The following ZNF251 variants were observed in gnomAD, a reference collection of about 807,000 sequenced individuals.
ZNF251 encodes zinc finger protein 251.
Under a neutral mutation model 13.5 loss-of-function variants are expected in ZNF251, and 14 were observed. The observed-to-expected ratio is 1.04, with a 90% confidence interval of 0.69 to 1.63. The LOEUF (loss-of-function observed/expected upper bound fraction) is 1.63. Among genes scored for constraint, ZNF251 ranks in the 40% most tolerant of loss-of-function variants. ZNF251 has a pLI of 0.00. For missense variants in ZNF251, 764 were observed against 834.9 expected (o/e 0.92, Z 1.05); for synonymous variants, 287 against 295.2 (o/e 0.97, Z 0.28).
intron 2 of ZNF251, 56 bp from the exon 3 acceptor site, chr8:144,754,377 T>C (rs1824853628): frequency 1.3e-6 from 2 of 1,517,632 alleles, no homozygotes; most frequent in Non-Finnish European, 1.8e-6. Flanking sequence ...CAGCCTGCAC[T>C]AAAAGGGCCC....
In ZNF251 at chr8:144,755,439, C is replaced by T. The variant is rs778749261; in HGVS notation, c.-110G>A. ...CGACCCGGGGAAGCCACCGAGGAAG[C>T]GCCGAGGAGCTGCGCAGTCGCACCG... On this transcript the variant is annotated 5_prime_UTR_variant, in exon 1 of 5. Coordinates refer to ENST00000292562, the MANE Select transcript of ZNF251 (RefSeq NM_138367.2). 7.8e-7 allele frequency: 1 copy of T among 1,288,118 alleles called. No homozygotes were observed. The highest frequency in any genetic ancestry group is 1.2e-5 in the South Asian group (1 of 81,104). The allele number at this position is 1,288,118 out of a possible 1,614,324, so 79.8% of individuals were successfully genotyped here. A position where few individuals can be genotyped will look rare whatever the true frequency, so the allele number is the denominator to read the frequency against.
At chr8:144,738,246 G>A (rs1823994166) in intron 4 of ZNF251, among the ~76,000 whole-genome samples, 1 of 152,152 alleles carries the variant, frequency 6.6e-6, no homozygotes, top group Admixed American at 6.6e-5. Flanking sequence ...GAGGAAACAT[G>A]GTCCACCTGG....
chr8:144,744,893 T>G (rs1410571086), intron 4 of ZNF251, among the ~76,000 whole-genome samples: 1 of 152,088 alleles, frequency 6.6e-6, no homozygotes, highest in East Asian at 1.9e-4. Context: ...CCATCTCTAC[T>G]AAAAGTACAA....
intron 4 of ZNF251, among the ~76,000 whole-genome samples, chr8:144,741,159 A>C (rs1195755752): frequency 6.6e-6 from 1 of 152,188 alleles, no homozygotes; most frequent in African/African-American, 2.4e-5. Flanking sequence ...AAAGTGTCCA[A>C]AAGGAGCTGG....
intron 4 of ZNF251, among the ~76,000 whole-genome samples, chr8:144,747,572 A>G (rs1185483380): frequency 6.6e-6 from 1 of 152,158 alleles, no homozygotes; most frequent in African/African-American, 2.4e-5. Flanking sequence ...GAACTCATCT[A>G]TTTCCCCTTG....
intron 4 of ZNF251, among the ~76,000 whole-genome samples, chr8:144,739,004 G>A (rs1276166886): frequency 6.6e-6 from 1 of 151,926 alleles, no homozygotes; most frequent in East Asian, 1.9e-4. Context: ...CCTTCCTGAC[G>A]GGGATGGCCA....
At position 144,723,096 on chromosome 8, in the gene ZNF251, T is replaced by A; in HGVS notation, c.564A>T (p.Arg188Ser). The A allele has an allele frequency of 6.2e-7, 1 of 1,614,066 alleles. No individual in the cohort carries two copies. The highest frequency in any genetic ancestry group is 8.5e-7 in the Non-Finnish European group (1 of 1,179,906). Residue 188 changes from arginine (R) to serine (S), a missense_variant, in exon 5 of 5, where the codon AGA becomes AGT. Physicochemically the swap from Arg to Ser is moderately radical, Grantham distance 110. Coordinates refer to ENST00000292562, the MANE Select transcript of ZNF251 (RefSeq NM_138367.2). Reference protein sequence around the residue: ...ERTQECSAFDRNLNLDQNVVR... With the variant: ...ERTQECSAFDSNLNLDQNVVR... ...CAACATTTTGGTCCAGATTCAAGTTTCTATCAAATGCACTACACTCTTGGG... is the reference window on the plus strand; with the variant it reads ...CAACATTTTGGTCCAGATTCAAGTTACTATCAAATGCACTACACTCTTGGG...
chr8:144,727,891 C>T (rs1219527392), intron 4 of ZNF251, among the ~76,000 whole-genome samples: 1 of 152,172 alleles, frequency 6.6e-6, no homozygotes, highest in African/African-American at 2.4e-5. Flanking sequence ...TAGCTCACTG[C>T]AGCCTCAAAC....
rs1823391824 is a variant in ZNF251 at position 144,722,286 on chromosome 8, C to G, written c.1374G>C (p.Glu458Asp). 6.2e-7 allele frequency: 1 copy of G among 1,613,964 alleles called. No homozygotes were observed. The highest frequency in any genetic ancestry group is 1.7e-5 in the Admixed American group (1 of 60,010). ...CACATTCAACGCACTGGTAGGGCTT[C>G]TCCCCAGTGTGAACTCTTCGATGCT... ...LVQHRRVHTG[E>D]KPYQCVECGK... Residue 458 changes from glutamate (E) to aspartate (D), a missense_variant, in exon 5 of 5, where the codon GAG (glutamate) becomes GAC (aspartate). Glu to Asp is a conservative substitution (Grantham distance 45). Transcript: ENST00000292562. This position sits in a 1 kb window ranked among gnomAD's most constrained non-coding sequence, Gnocchi z 4.8.
intron 4 of ZNF251, among the ~76,000 whole-genome samples, chr8:144,743,149 C>T (rs1481652042): frequency 4.6e-5 from 7 of 152,120 alleles, no homozygotes; most frequent in East Asian, 1.9e-4. Context: ...CTGCAAACTC[C>T]GCCTCCCGGG....
At chr8:144,737,876 A>G (rs990485010) in intron 4 of ZNF251, among the ~76,000 whole-genome samples, 8 of 145,548 alleles carry the variant, frequency 5.5e-5, no homozygotes, top group African/African-American at 1.5e-4. Flanking sequence ...TTATGCTATC[A>G]CCCCACATAA....
Position 144,744,415 on chromosome 8 carries a change from T to C in ZNF251, c.277+9268A>G, listed in dbSNP as rs559883868. Among the ~76,000 whole-genome samples the C allele has an allele frequency of 1.6e-4, 24 of 152,340 alleles. No homozygotes were observed. The South Asian group carries it at 5.0e-3, about 32-fold the overall frequency. On this transcript the variant is annotated intron_variant, in intron 4 of 4. Coordinates refer to ENST00000292562, the MANE Select transcript of ZNF251 (RefSeq NM_138367.2). ...CAAGGTCACCTCTTTTTTTCCTATA[T>C]TATCATCTAGAAGTTTCACAGTTTT...
intron 4 of ZNF251, among the ~76,000 whole-genome samples, chr8:144,732,947 C>T (rs181100399): frequency 3.1e-3 from 477 of 151,954 alleles, no homozygotes; most frequent in Non-Finnish European, 5.3e-3. Flanking sequence ...AAAGGCCAGG[C>T]GGGGTGGCTC....
intron 4 of ZNF251, among the ~76,000 whole-genome samples, chr8:144,740,788 C>T (rs571374100): frequency 4.4e-4 from 66 of 151,708 alleles, no homozygotes; most frequent in African/African-American, 1.5e-3. Flanking sequence ...ACAAAATTAG[C>T]TGGGCGTGGT....
At chr8:144,742,745 CAT>C (rs1824222862) in intron 4 of ZNF251, among the ~76,000 whole-genome samples, 1 of 152,176 alleles carries the variant, frequency 6.6e-6, no homozygotes, top group African/African-American at 2.4e-5. Context: ...CAGAATGTCA[CAT>C]AGTTGGAATC....
chr8:144,721,662 G>GA lies in ZNF251; in HGVS notation c.1997dup (p.Gln667ProfsTer8), dbSNP rs762742290. On this transcript the variant is annotated frameshift_variant, in exon 5 of 5. Transcript: ENST00000292562. LOFTEE classifies it high-confidence loss of function. ...TATCACATTAAAAATGTCTTTCTTG[G>GA]AAAATCTTCTTGATATGAATAAAGT... The GA allele has an allele frequency of 2.2e-6, 3 of 1,340,922 alleles. No homozygotes were observed. The highest frequency in any genetic ancestry group is 2.9e-6 in the Non-Finnish European group (3 of 1,036,178). The allele number at this position is 1,340,922 out of a possible 1,614,324, so 83.1% of individuals were successfully genotyped here.
chr8:144,724,543 A>G (rs977893163), intron 4 of ZNF251, among the ~76,000 whole-genome samples: 1 of 152,126 alleles, frequency 6.6e-6, no homozygotes, highest in Admixed American at 6.6e-5. Flanking sequence ...CAAAAAATTG[A>G]TATCTCACAC....
rs199876272 is a variant in ZNF251, at chr8:144,722,725, C to T, written c.935G>A (p.Arg312Gln). ...GGGTTTCTCTCCTGTGTGAATGATC[C>T]GATGTTGAATAAGAGTTGAGCTTCG... Reference protein sequence around the residue: ...FSRSSTLIQHRIIHTGEKPYK... With the variant: ...FSRSSTLIQHQIIHTGEKPYK... The change falls in exon 5 of 5, where the codon CGG becomes CAG. Residue 312 changes from arginine to glutamine, a missense_variant. Physicochemically the swap from Arg to Gln is conservative, Grantham distance 43. Transcript: ENST00000292562. The surrounding 1 kb of genome is among the most constrained non-coding windows in gnomAD (Gnocchi z 4.8). 1.9e-5 allele frequency: 31 copies of T among 1,613,604 alleles called. No homozygotes were observed. Among genetic ancestry groups the T allele is most frequent in the Admixed American group, 1.0e-4 (6 of 59,982 alleles).
chr8:144,753,848 G>C, intron 3 of ZNF251, 52 bp from the exon 4 acceptor site: 1 of 1,400,942 alleles, frequency 7.1e-7, no homozygotes, highest in South Asian at 1.3e-5. Context: ...GGGCCTTCCA[G>C]GCCAGGTGTG....
Sources: gnomAD v4.1 joint callset for allele counts (sites outside exome capture counted in the v4.1 genomes callset) on GRCh38, gnomAD v4.1.1 for gene constraint, Gnocchi (gnomAD v3.1) non-coding constraint, MANE v1.5 for transcripts, NCBI Gene and HGNC (gene_info 2026-07-23, HGNC 2026-07-21) for gene names.